Variants in POMK observed in about 807,000 individuals in gnomAD.
The protein encoded by POMK is protein O-mannose kinase.
Under a neutral mutation model 23.0 loss-of-function variants are expected in POMK, and 19 were observed. That is an observed-to-expected ratio of 0.83 (90% CI 0.58 to 1.21). The LOEUF (loss-of-function observed/expected upper bound fraction) is 1.21. POMK is among the 50% of genes most tolerant of loss of function. The probability of loss-of-function intolerance (pLI) is 0.00; values close to 1 mark genes in which losing one functional copy is unlikely to be tolerated. For missense variants in POMK, 410 were observed against 431.3 expected, an observed-to-expected ratio of 0.95 and a Z score of 0.44; for synonymous variants, 173 against 171.6, an observed-to-expected ratio of 1.01 and a Z score of -0.06.
At chr8:43,096,817 A>G (rs904304374) in intron 1 of POMK, among the ~76,000 whole-genome samples, 1 of 152,272 alleles carries the variant, frequency 6.6e-6, no homozygotes, top group Non-Finnish European at 1.5e-5. Context: ...AGTTTTGTGC[A>G]TCTGCATGGA....
intron 2 of POMK, among the ~76,000 whole-genome samples, chr8:43,100,268 G>A (rs1368424298): frequency 6.6e-6 from 1 of 152,166 alleles, no homozygotes; most frequent in Non-Finnish European, 1.5e-5. Context: ...CCTTATGGCA[G>A]GTGAGGCTCA....
intron 3 of POMK, 120 bp from the exon 4 acceptor site, chr8:43,103,408 C>G (rs1308353537): frequency 4.5e-6 from 4 of 888,804 alleles, no homozygotes; most frequent in African/African-American, 3.3e-5. Flanking sequence ...TGCTTTAATC[C>G]CCACGGTAAC....
chr8:43,118,053 C>T (rs1171110140), intron 4 of POMK, among the ~76,000 whole-genome samples: 6 of 152,258 alleles, frequency 3.9e-5, no homozygotes, highest in African/African-American at 1.4e-4. Flanking sequence ...ATTATAGCTA[C>T]ATAATAATCT....
intron 4 of POMK, among the ~76,000 whole-genome samples, chr8:43,114,226 A>G (rs955330891): frequency 6.6e-6 from 1 of 152,206 alleles, no homozygotes; most frequent in Non-Finnish European, 1.5e-5. Flanking sequence ...GAGCCTACAG[A>G]GGCAGGCAGG....
chr8:43,120,614 C>T (rs1421159917), intron 4 of POMK, among the ~76,000 whole-genome samples: 2 of 151,944 alleles, frequency 1.3e-5, no homozygotes, highest in African/African-American at 2.4e-5. Flanking sequence ...CCCACCTCAG[C>T]CTCCCCTGAG....
intron 2 of POMK, among the ~76,000 whole-genome samples, chr8:43,100,301 A>G (rs1811411992): frequency 6.6e-6 from 1 of 151,964 alleles, no homozygotes; most frequent in African/African-American, 2.4e-5. Flanking sequence ...TGCTTAGGGA[A>G]GTGGGCAGCA....
chr8:43,093,799 G>A (rs1399820482), intron 1 of POMK, among the ~76,000 whole-genome samples: 2 of 152,250 alleles, frequency 1.3e-5, no homozygotes, highest in African/African-American at 4.8e-5. Context: ...AAGAACCAGA[G>A]AAGGGCCCGG....
Position 43,103,831 on chromosome 8 carries a change from G to C in POMK, c.282+1G>C, listed in dbSNP as rs1206884841. On this transcript the variant is annotated splice_donor_variant, in intron 4 of 4. Transcript: ENST00000331373. LOFTEE classifies it high-confidence loss of function. ...TGTTGGGGAAGGAGCTGTAAAGAGA[G>C]TGAGTCCGGGTTCATTTGCGATTGC... The C allele has an allele frequency of 2.5e-6, 4 of 1,613,980 alleles. No individual in the cohort carries two copies. Among genetic ancestry groups the C allele is most frequent in the South Asian group, 1.1e-5 (1 of 91,060 alleles).
intron 4 of POMK, among the ~76,000 whole-genome samples, chr8:43,120,738 C>T (rs571132268): frequency 1.1e-4 from 17 of 150,224 alleles, no homozygotes; most frequent in East Asian, 3.9e-4. Flanking sequence ...AGCACAGTGG[C>T]GTGATCTTGG....
intron 4 of POMK, among the ~76,000 whole-genome samples, chr8:43,120,863 G>C (rs536404239): frequency 5.1e-4 from 78 of 151,848 alleles, no homozygotes; most frequent in African/African-American, 1.8e-3. Flanking sequence ...TTTTAGTAGA[G>C]TCAGGGTTTC....
chr8:43,110,851 C>T (rs1413859596), intron 4 of POMK, among the ~76,000 whole-genome samples: 2 of 151,728 alleles, frequency 1.3e-5, no homozygotes, highest in African/African-American at 2.4e-5. Flanking sequence ...AGCCGGGAGG[C>T]GGAGGTTGCA....
chr8:43,110,361 CAT>C (rs1211824656), intron 4 of POMK, among the ~76,000 whole-genome samples: 11 of 152,342 alleles, frequency 7.2e-5, no homozygotes, highest in African/African-American at 2.4e-4. Flanking sequence ...GCTAACTCCA[CAT>C]GTCTCAGGCC....
chr8:43,103,585 G>GC lies in POMK; in HGVS notation c.43dup (p.Arg15ProfsTer85), dbSNP rs749980792. On this transcript the variant is annotated frameshift_variant, in exon 4 of 5. Transcript: ENST00000331373. LOFTEE classifies it high-confidence loss of function. Reference sequence around the variant, plus strand: ...GCCCCAGAACAGCAGGAGAGGCCTCGCCCCCCGAGAGGTGCCGCCAGCTGT... The same window carrying GC: ...GCCCCAGAACAGCAGGAGAGGCCTCGCCCCCCCGAGAGGTGCCGCCAGCTGT... 1.4e-5 allele frequency: 23 copies of GC among 1,614,044 alleles called. No homozygotes were observed. The highest frequency in any genetic ancestry group is 4.5e-5 in the East Asian group (2 of 44,876).
intron 2 of POMK, among the ~76,000 whole-genome samples, chr8:43,100,516 T>A (rs1408637321): frequency 6.6e-6 from 1 of 151,242 alleles, no homozygotes; most frequent in East Asian, 1.9e-4. Flanking sequence ...GTGCTGTGTG[T>A]GTGTCTGTGG....
intron 4 of POMK, among the ~76,000 whole-genome samples, chr8:43,118,411 C>A (rs1811845663): frequency 6.6e-6 from 1 of 152,160 alleles, no homozygotes. Context: ...AGGATGACAG[C>A]CAGTTACCAG....
chr8:43,122,311 A>G lies in POMK; in HGVS notation c.487A>G (p.Thr163Ala). 1 of 1,614,184 alleles carries G rather than the reference A, an allele frequency of 6.2e-7. No homozygotes were observed. Among genetic ancestry groups the G allele is most frequent in the Non-Finnish European group, 8.5e-7 (1 of 1,180,028 alleles). ...PLGSLSNLEE[T>A]LNLSKYQNVN... ...AGGTTCCTTGAGTAACCTGGAAGAA[A>G]CACTAAACCTTTCAAAGTACCAAAA... The change falls in exon 5 of 5, where the codon ACA becomes GCA. Residue 163 changes from threonine to alanine, a missense_variant. Transcript: ENST00000331373.
chr8:43,110,901 C>G (rs1006293352), intron 4 of POMK, among the ~76,000 whole-genome samples: 9 of 151,362 alleles, frequency 5.9e-5, no homozygotes, highest in African/African-American at 2.2e-4. Flanking sequence ...GCCTGGGGTA[C>G]AAGAGTGAGC....
At chr8:43,112,426 A>C (rs1811692885) in intron 4 of POMK, among the ~76,000 whole-genome samples, 1 of 152,228 alleles carries the variant, frequency 6.6e-6, no homozygotes. Context: ...AAAAGACCAA[A>C]TCTACGTCTG....
At chr8:43,108,922 C>T (rs1208046941) in intron 4 of POMK, among the ~76,000 whole-genome samples, 1 of 152,174 alleles carries the variant, frequency 6.6e-6, no homozygotes, top group Non-Finnish European at 1.5e-5. Context: ...ATGACATATA[C>T]TGAGTCATAT....
Sources: gnomAD v4.1 joint callset for allele counts (sites outside exome capture counted in the v4.1 genomes callset) on GRCh38, gnomAD v4.1.1 for gene constraint, MANE v1.5 for transcripts, NCBI Gene and HGNC (gene_info 2026-07-23, HGNC 2026-07-21) for gene names.